The following ADCK1 variants were observed in gnomAD, a reference collection of about 807,000 sequenced individuals.
The protein encoded by ADCK1 is aarF domain containing kinase 1, also known as aarF domain-containing protein kinase 1.
In ADCK1, 41 loss-of-function variants were observed where a neutral mutation model predicts 52.3. The ratio of observed to expected loss-of-function variants is 0.78; its 90% confidence interval spans 0.61 to 1.02. ADCK1 has a LOEUF of 1.02. Ranked by LOEUF, ADCK1 falls within the 50% of genes least tolerant of loss-of-function variation. The pLI, the probability that ADCK1 is intolerant of heterozygous loss-of-function variation, is 0.00. For synonymous variants in ADCK1, 250 were observed against 274.6 expected (o/e 0.91, Z 0.89); for missense variants, 658 against 679.5 (o/e 0.97, Z 0.35).
intron 3 of ADCK1, among the ~76,000 whole-genome samples, chr14:77,846,810 C>A (rs2140103867): frequency 6.6e-6 from 1 of 152,344 alleles, no homozygotes; most frequent in East Asian, 1.9e-4. Flanking sequence ...TCTAGGGTTG[C>A]TCCCCTGCTT....
chr14:77,802,065 C>G (rs1186201896), intron 1 of ADCK1, among the ~76,000 whole-genome samples: 3 of 151,810 alleles, frequency 2.0e-5, no homozygotes. Flanking sequence ...GCCCAGCAAG[C>G]TGCTTGTTCT....
intron 4 of ADCK1, among the ~76,000 whole-genome samples, chr14:77,878,438 A>G (rs1470937624): frequency 1.3e-5 from 2 of 152,246 alleles, no homozygotes; most frequent in Admixed American, 6.5e-5. Flanking sequence ...ATATCCTGAC[A>G]TTCCCTTGTA....
intron 3 of ADCK1, among the ~76,000 whole-genome samples, chr14:77,832,544 T>C (rs2081878613): frequency 6.6e-6 from 1 of 152,174 alleles, no homozygotes. Flanking sequence ...AGCCTGAGGC[T>C]CTGCTGCTGC....
At chr14:77,860,378 G>C (rs922822928) in intron 4 of ADCK1, among the ~76,000 whole-genome samples, 1 of 152,224 alleles carries the variant, frequency 6.6e-6, no homozygotes, top group Non-Finnish European at 1.5e-5. Context: ...CGCAGGGCCA[G>C]GAGAGTAGGG....
At chr14:77,849,161 A>G (rs937455623) in intron 3 of ADCK1, among the ~76,000 whole-genome samples, 2 of 152,090 alleles carry the variant, frequency 1.3e-5, no homozygotes, top group African/African-American at 4.8e-5. Flanking sequence ...TGCAGCCTCA[A>G]ACTCCTTGGC....
chr14:77,888,846 C>T (rs2083219328), intron 5 of ADCK1, among the ~76,000 whole-genome samples: 1 of 152,134 alleles, frequency 6.6e-6, no homozygotes, highest in Non-Finnish European at 1.5e-5. Flanking sequence ...CAGATAGTGC[C>T]CAACCCTATA....
chr14:77,837,222 T>C (rs1218077678), intron 3 of ADCK1, among the ~76,000 whole-genome samples: 3 of 151,672 alleles, frequency 2.0e-5, no homozygotes, highest in Non-Finnish European at 4.4e-5. Flanking sequence ...CAATCTCTTC[T>C]GCCTCCTGGG....
At chr14:77,864,977 C>T (rs938824186) in intron 4 of ADCK1, among the ~76,000 whole-genome samples, 5 of 152,106 alleles carry the variant, frequency 3.3e-5, no homozygotes, top group African/African-American at 1.2e-4. Flanking sequence ...TATTCAAAGT[C>T]CACTAATATA....
chr14:77,843,286 C>G (rs2082113227), intron 3 of ADCK1, among the ~76,000 whole-genome samples: 2 of 152,180 alleles, frequency 1.3e-5, no homozygotes, highest in Non-Finnish European at 2.9e-5. Flanking sequence ...GGCCTGTGGC[C>G]TGAGCAAGCA....
chr14:77,807,039 TTTTTTTTTTTTTTTTTGGAGACAGAGTC>T (rs2081240653), intron 1 of ADCK1, among the ~76,000 whole-genome samples: 1 of 107,592 alleles, frequency 9.3e-6, no homozygotes, highest in Non-Finnish European at 1.8e-5. Flanking sequence ...TCTCTCTCTC[TTTTTTTTTTTTTTTTTGGAGACAGAGTC>T]TTTTTTTTTT....
chr14:77,840,129 G>A (rs1244287797), intron 3 of ADCK1, among the ~76,000 whole-genome samples: 2 of 152,026 alleles, frequency 1.3e-5, no homozygotes, highest in Non-Finnish European at 2.9e-5. Context: ...GGAGGTGGAG[G>A]TGGCAGCTAC....
intron 2 of ADCK1, 125 bp from the exon 3 acceptor site, chr14:77,822,310 G>T (rs2081600063): frequency 5.5e-6 from 4 of 722,310 alleles, no homozygotes; most frequent in African/African-American, 1.7e-5. Flanking sequence ...AGGCATCTTA[G>T]GGGTGGGACT....
intron 3 of ADCK1, among the ~76,000 whole-genome samples, chr14:77,836,757 T>A: frequency 7.4e-6 from 1 of 134,400 alleles, no homozygotes; most frequent in South Asian, 2.4e-4. Flanking sequence ...CTCCTCTACC[T>A]TTTCTTTCTT....
chr14:77,828,105 G>A (rs969334855), intron 3 of ADCK1: 9 of 188,936 alleles, frequency 4.8e-5, no homozygotes, highest in Non-Finnish European at 2.2e-5. Flanking sequence ...TGGGATTACA[G>A]GCATGAGCCA....
At chr14:77,841,965 G>C (rs2082077589) in intron 3 of ADCK1, among the ~76,000 whole-genome samples, 1 of 151,874 alleles carries the variant, frequency 6.6e-6, no homozygotes, top group Admixed American at 6.6e-5. Flanking sequence ...TTCTAGACCA[G>C]CTGTAGTCCC....
intron 3 of ADCK1, among the ~76,000 whole-genome samples, chr14:77,858,323 C>G (rs554536090): frequency 6.6e-6 from 1 of 151,924 alleles, no homozygotes; most frequent in African/African-American, 2.4e-5. Flanking sequence ...CTGCAACCTC[C>G]GCCTCCTGGG....
chr14:77,814,695 CAAAA>C (rs995163952), intron 1 of ADCK1, among the ~76,000 whole-genome samples: 5 of 35,920 alleles, frequency 1.4e-4, no homozygotes, highest in African/African-American at 2.9e-4. Context: ...AAGACACTCT[CAAAA>C]AAAAAAAAAA....
rs745335713 is a variant in ADCK1, at chr14:77,925,808, G to A, written c.1053G>A (p.Gln351=). 1.5e-5 allele frequency: 25 copies of A among 1,614,242 alleles called. No individual in the cohort carries two copies. Among genetic ancestry groups the A allele is most frequent in the Non-Finnish European group, 2.0e-5 (24 of 1,180,028 alleles). The change falls in exon 9 of 11, where the codon CAG becomes CAA. Residue 351 remains glutamine (Q), a synonymous_variant. Coordinates refer to ENST00000238561, the MANE Select transcript of ADCK1 (RefSeq NM_020421.4). Reference sequence around the variant, plus strand: ...GCCTGAATTACTGCCACCTCTGGCAGTCTCTGATCTGGACTGACATGAAGA... The same window carrying A: ...GCCTGAATTACTGCCACCTCTGGCAATCTCTGATCTGGACTGACATGAAGA... ...EFRLNYCHLW[Q]SLIWTDMKRV...
Position 77,814,739 on chromosome 14 carries a change from G to T in ADCK1, c.-11-4229G>T, listed in dbSNP as rs890014922. Among the ~76,000 whole-genome samples the T allele has an allele frequency of 3.3e-5, 5 of 149,944 alleles. No homozygotes were observed. The East Asian group carries it at 9.7e-4, about 29-fold the overall frequency. On this transcript the variant is annotated intron_variant, in intron 1 of 10. Coordinates refer to ENST00000238561, the MANE Select transcript of ADCK1 (RefSeq NM_020421.4). ...AAAAAAGAAGAAAAATAGAAGTGTG[G>T]CTCTCAAACTTGAGCTTTCAGACAA...
Sources: gnomAD v4.1 joint callset for allele counts (sites outside exome capture counted in the v4.1 genomes callset) on GRCh38, gnomAD v4.1.1 for gene constraint, MANE v1.5 for transcripts, NCBI Gene and HGNC (gene_info 2026-07-23, HGNC 2026-07-21) for gene names.